Variants in MAST4 observed in about 807,000 individuals in gnomAD.
MAST4 encodes the protein microtubule associated serine/threonine kinase family member 4.
In MAST4, 89 loss-of-function variants were observed where a neutral mutation model predicts 162.7. The observed-to-expected ratio is 0.55, with a 90% CI of 0.46 to 0.65. The LOEUF is 0.65. Among genes scored for constraint, MAST4 ranks in the 30% least tolerant of loss-of-function variants. The probability of loss-of-function intolerance (pLI) is 0.00; values close to 1 mark genes in which losing one functional copy is unlikely to be tolerated. For missense variants in MAST4, 3,153 were observed against 3,374.0 expected (o/e 0.93, Z 1.62); for synonymous variants, 1,479 against 1,361.1 (o/e 1.09, Z -1.91).
chr5:66,802,650 G>A (rs1051997156), intron 3 of MAST4, among the ~76,000 whole-genome samples: 2 of 152,102 alleles, frequency 1.3e-5, no homozygotes, highest in Non-Finnish European at 2.9e-5. Context: ...TAGTGTGAGT[G>A]TCTCTCTTCT....
chr5:66,923,605 C>T (rs1764687619), intron 4 of MAST4, among the ~76,000 whole-genome samples: 1 of 152,152 alleles, frequency 6.6e-6, no homozygotes, highest in African/African-American at 2.4e-5. Context: ...CTACATCCTC[C>T]TGTAACCCCC....
chr5:66,724,892 A>C (rs1433590640), intron 1 of MAST4, among the ~76,000 whole-genome samples: 1 of 152,034 alleles, frequency 6.6e-6, no homozygotes, highest in Non-Finnish European at 1.5e-5. Context: ...ACTTAAAGAA[A>C]TCTTACTAGT....
At chr5:67,048,227 T>A (rs1401910961) in intron 4 of MAST4, among the ~76,000 whole-genome samples, 1 of 152,224 alleles carries the variant, frequency 6.6e-6, no homozygotes, top group Non-Finnish European at 1.5e-5. Context: ...GTCCATGATA[T>A]ATAATTTTAG....
intron 4 of MAST4, among the ~76,000 whole-genome samples, chr5:66,993,277 T>C (rs773439254): frequency 4.6e-5 from 7 of 152,300 alleles, no homozygotes; most frequent in Non-Finnish European, 1.0e-4. Flanking sequence ...GTTGGAAAAA[T>C]AGAAAAATAA....
At chr5:66,677,915 C>T (rs1222540710) in intron 1 of MAST4, among the ~76,000 whole-genome samples, 2 of 152,098 alleles carry the variant, frequency 1.3e-5, no homozygotes, top group Non-Finnish European at 2.9e-5. Context: ...AATGCAGATT[C>T]CCGCATCCAA....
chr5:66,699,363 A>G (rs935152881), intron 1 of MAST4, among the ~76,000 whole-genome samples: 4 of 152,066 alleles, frequency 2.6e-5, no homozygotes, highest in Non-Finnish European at 5.9e-5. Flanking sequence ...ACATTGCCCT[A>G]TTTTATTTTT....
chr5:66,864,204 A>AAAGG (rs10649312), intron 3 of MAST4, among the ~76,000 whole-genome samples: 82,394 of 151,842 alleles, frequency 0.54, 23,612 homozygotes, highest in Non-Finnish European at 0.64. Flanking sequence ...GTTATAATGT[A>AAAGG]AAGATGGGGA....
intron 3 of MAST4, among the ~76,000 whole-genome samples, chr5:66,801,291 C>A (rs960617449): frequency 3.3e-5 from 5 of 151,984 alleles, no homozygotes; most frequent in African/African-American, 1.2e-4. Context: ...CCACCATCAC[C>A]GAGAGGATTG....
At chr5:66,814,614 C>A (rs948999943) in intron 3 of MAST4, among the ~76,000 whole-genome samples, 2 of 152,164 alleles carry the variant, frequency 1.3e-5, no homozygotes, top group African/African-American at 2.4e-5. Flanking sequence ...CTAGGTGGCA[C>A]ATCAGCAAAT....
chr5:66,820,556 A>T (rs924841197), intron 3 of MAST4, among the ~76,000 whole-genome samples: 1 of 152,186 alleles, frequency 6.6e-6, no homozygotes, highest in Non-Finnish European at 1.5e-5. Flanking sequence ...TATTGGAGCT[A>T]TTTCCAATTG....
chr5:66,716,555 C>T (rs1174232590), intron 1 of MAST4, among the ~76,000 whole-genome samples: 1 of 150,648 alleles, frequency 6.6e-6, no homozygotes, highest in Non-Finnish European at 1.5e-5. Flanking sequence ...GAGACAGGGT[C>T]TCCCTATATT....
intron 4 of MAST4, among the ~76,000 whole-genome samples, chr5:66,980,831 G>A (rs1310213057): frequency 6.6e-6 from 1 of 152,090 alleles, no homozygotes; most frequent in Non-Finnish European, 1.5e-5. Context: ...AAATGCTCTG[G>A]CTGGGCCTAG....
chr5:66,784,107 A>G (rs980149643), intron 2 of MAST4, among the ~76,000 whole-genome samples: 1 of 151,842 alleles, frequency 6.6e-6, no homozygotes, highest in Non-Finnish European at 1.5e-5. Context: ...ATTCCCCATC[A>G]AATCTCTCCC....
At chr5:66,882,631 T>A (rs1761763080) in intron 3 of MAST4, among the ~76,000 whole-genome samples, 1 of 152,198 alleles carries the variant, frequency 6.6e-6, no homozygotes, top group African/African-American at 2.4e-5. Flanking sequence ...TTCCCACATC[T>A]TCTTTATGTT....
chr5:67,058,567 G>A (rs1309856055), intron 5 of MAST4, among the ~76,000 whole-genome samples: 3 of 152,198 alleles, frequency 2.0e-5, no homozygotes, highest in Admixed American at 6.5e-5. Context: ...ATTCAGGGGT[G>A]TAACCCAGCA....
At chr5:66,964,329 T>A (rs1302534720) in intron 4 of MAST4, among the ~76,000 whole-genome samples, 2 of 152,178 alleles carry the variant, frequency 1.3e-5, no homozygotes, top group East Asian at 3.9e-4. Flanking sequence ...ACTCTTACAT[T>A]TTAGCATAGT....
chr5:66,684,951 G>A (rs1748550143), intron 1 of MAST4, among the ~76,000 whole-genome samples: 1 of 152,074 alleles, frequency 6.6e-6, no homozygotes, highest in Admixed American at 6.6e-5. Context: ...CTATGGGGTT[G>A]GGCATGAGTA....
At chr5:66,945,029 T>G (rs1329976526) in intron 4 of MAST4, among the ~76,000 whole-genome samples, 1 of 152,046 alleles carries the variant, frequency 6.6e-6, no homozygotes, top group Admixed American at 6.6e-5. Flanking sequence ...TTATACAGAG[T>G]GTCAGTCATT....
chr5:67,088,596 A>T (rs1325831834), intron 5 of MAST4, among the ~76,000 whole-genome samples: 1 of 152,198 alleles, frequency 6.6e-6, no homozygotes, highest in Non-Finnish European at 1.5e-5. Flanking sequence ...CTATTGAGAG[A>T]AGTTGAAAGA....
Sources: gnomAD v4.1 joint callset for allele counts (sites outside exome capture counted in the v4.1 genomes callset) on GRCh38, gnomAD v4.1.1 for gene constraint, MANE v1.5 for transcripts, NCBI Gene and HGNC (gene_info 2026-07-23, HGNC 2026-07-21) for gene names.